NOL4: variants seen among roughly 807,000 people sequenced by gnomAD.
NOL4 encodes the protein cancer/testis antigen 125.
A neutral mutation model predicts 75.9 loss-of-function variants in NOL4; 17 were observed. The observed-to-expected ratio is 0.22, with a 90% CI of 0.15 to 0.34. NOL4 has a LOEUF of 0.34. NOL4 is among the 10% of genes least tolerant of loss of function. NOL4 has a pLI of 1.00. For synonymous variants in NOL4, 292 were observed against 289.9 expected, an observed-to-expected ratio of 1.01 and a Z score of -0.07; for missense variants, 614 against 793.5, an observed-to-expected ratio of 0.77 and a Z score of 2.72.
intron 6 of NOL4, among the ~76,000 whole-genome samples, chr18:34,005,611 G>T (rs569724769): frequency 6.6e-6 from 1 of 151,976 alleles, no homozygotes; most frequent in Non-Finnish European, 1.5e-5. Flanking sequence ...TGGCTCTTAC[G>T]CCTGTCCTCT....
In NOL4 at chr18:33,851,822, TG is replaced by T. The variant is rs2144079050; in HGVS notation, c.*1019del. On this transcript the variant is annotated 3_prime_UTR_variant, in exon 11 of 11. Coordinates refer to ENST00000261592, the MANE Select transcript of NOL4 (RefSeq NM_003787.5). ...ATACAAATCATATCAGGAGATGTAATGGTCTTTTTGGAAACTATTTCTGAAA... is the reference window on the plus strand; with the variant it reads ...ATACAAATCATATCAGGAGATGTAATGTCTTTTTGGAAACTATTTCTGAAA... 6.6e-6 allele frequency: 1 copy of T among 152,622 alleles called. No individual in the cohort carries two copies. The highest frequency in any genetic ancestry group is 1.9e-4 in the East Asian group (1 of 5,164). The allele number at this position is 152,622 out of a possible 1,614,324, so 9.5% of individuals were successfully genotyped here. A position where few individuals can be genotyped will look rare whatever the true frequency, so the allele number is the denominator to read the frequency against.
chr18:34,089,819 T>C (rs907397033), intron 5 of NOL4, among the ~76,000 whole-genome samples: 2 of 152,140 alleles, frequency 1.3e-5, no homozygotes, highest in Non-Finnish European at 2.9e-5. Context: ...GCAGAGGACA[T>C]CCCTCTCCAA....
intron 9 of NOL4, among the ~76,000 whole-genome samples, chr18:33,905,829 C>T (rs1221853316): frequency 6.6e-6 from 1 of 152,200 alleles, no homozygotes; most frequent in Non-Finnish European, 1.5e-5. Flanking sequence ...GGAATATTTC[C>T]TTAGCCAGGT....
intron 5 of NOL4, among the ~76,000 whole-genome samples, chr18:34,031,927 C>T (rs932078307): frequency 6.6e-6 from 1 of 152,150 alleles, no homozygotes; most frequent in Non-Finnish European, 1.5e-5. Context: ...AGAGGGCTCA[C>T]AGTGGGTCCC....
chr18:34,115,793 C>T (rs1244885064), intron 2 of NOL4, among the ~76,000 whole-genome samples: 1 of 152,134 alleles, frequency 6.6e-6, no homozygotes, highest in East Asian at 1.9e-4. Context: ...TCTAATCTCA[C>T]CCTTGGTGTG....
At chr18:34,027,281 A>G (rs1352411668) in intron 5 of NOL4, among the ~76,000 whole-genome samples, 2 of 152,144 alleles carry the variant, frequency 1.3e-5, no homozygotes, top group Non-Finnish European at 2.9e-5. Context: ...TGTGGGTTGG[A>G]GAATAGGTAT....
At chr18:33,862,607 A>G (rs1294988140) in intron 10 of NOL4, among the ~76,000 whole-genome samples, 3 of 152,230 alleles carry the variant, frequency 2.0e-5, no homozygotes, top group Non-Finnish European at 4.4e-5. Flanking sequence ...AAAAGTGGAC[A>G]AAGGACACGA....
chr18:33,885,366 A>G (rs1182067988), intron 9 of NOL4, among the ~76,000 whole-genome samples: 1 of 152,146 alleles, frequency 6.6e-6, no homozygotes, highest in African/African-American at 2.4e-5. Context: ...AAAGGATACA[A>G]TCAACAAAGT....
chr18:34,000,368 G>A lies in NOL4; in HGVS notation c.1056+18950C>T, dbSNP rs555148245. On this transcript the variant is annotated intron_variant, in intron 6 of 10. Coordinates refer to ENST00000261592, the MANE Select transcript of NOL4 (RefSeq NM_003787.5). ...TTCCTTGAATGTTATACTATACCAC[G>A]ATTCAACACTCTGTTGGGTATTTAG... is the stretch of plus-strand genomic sequence containing the variant. Among the ~76,000 whole-genome samples, 3 of 149,614 alleles carry A rather than the reference G, an allele frequency of 2.0e-5. No individual in the cohort carries two copies. In the South Asian group the frequency reaches 6.2e-4, roughly 31 times the overall value.
In NOL4 at chr18:33,947,851, A is replaced by G. The variant is rs188415463; in HGVS notation, c.1429-4673T>C. 2.0e-5 allele frequency among the ~76,000 whole-genome samples: 3 copies of G among 152,048 alleles called. No individual in the cohort carries two copies. The East Asian group carries it at 5.8e-4, about 29-fold the overall frequency. On this transcript the variant is annotated intron_variant, in intron 8 of 10. Transcript: ENST00000261592. ...TCATTAAACAGATGGCTAAACCATC[A>G]CATGGAGCTTTTGGAGTTTAAAAAG...
At chr18:33,854,382 T>G (rs555779798) in intron 10 of NOL4, among the ~76,000 whole-genome samples, 11 of 152,192 alleles carry the variant, frequency 7.2e-5, no homozygotes, top group Admixed American at 1.3e-4. Flanking sequence ...TCCACTTCTG[T>G]AGTGGCCTTT....
intron 1 of NOL4, among the ~76,000 whole-genome samples, chr18:34,210,371 C>A (rs1339347478): frequency 1.3e-5 from 2 of 152,090 alleles, no homozygotes; most frequent in African/African-American, 4.8e-5. Context: ...AGTAACTCAC[C>A]CTTATTTTGA....
chr18:33,890,885 G>T (rs1390951983), intron 9 of NOL4, among the ~76,000 whole-genome samples: 1 of 151,854 alleles, frequency 6.6e-6, no homozygotes, highest in East Asian at 1.9e-4. Flanking sequence ...GGTATCATTA[G>T]GGTCTGGAAC....
intron 5 of NOL4, among the ~76,000 whole-genome samples, chr18:34,060,850 C>A (rs954822598): frequency 5.9e-5 from 9 of 152,160 alleles, no homozygotes; most frequent in African/African-American, 2.4e-5. Context: ...GCAACTACTG[C>A]AGAAGGAAAA....
intron 5 of NOL4, among the ~76,000 whole-genome samples, chr18:34,060,062 C>T (rs186325276): frequency 6.6e-6 from 1 of 152,250 alleles, no homozygotes; most frequent in East Asian, 1.9e-4. Context: ...GCTGTGTCAA[C>T]TCACAGAATC....
chr18:34,039,000 C>T (rs1487341940), intron 5 of NOL4, among the ~76,000 whole-genome samples: 1 of 151,734 alleles, frequency 6.6e-6, no homozygotes, highest in Non-Finnish European at 1.5e-5. Flanking sequence ...GTAAAAAATA[C>T]AAATATCACA....
At chr18:33,878,576 G>A (rs1344446683) in intron 10 of NOL4, among the ~76,000 whole-genome samples, 3 of 151,954 alleles carry the variant, frequency 2.0e-5, no homozygotes, top group South Asian at 4.2e-4. Context: ...AGCTATATAT[G>A]AAACATACTT....
chr18:33,892,873 G>A lies in NOL4; in HGVS notation c.1543-9449C>T, dbSNP rs115591480. On this transcript the variant is annotated intron_variant, in intron 9 of 10. Transcript: ENST00000261592. ...AGAGACTGTCTCACTATGTTGCCCC[G>A]GTTGGTCTCGAACTCTTGACCTCAA... Among the ~76,000 whole-genome samples the A allele has an allele frequency of 2.1e-3, 317 of 151,768 alleles. 1 individual carries two copies. Among genetic ancestry groups the A allele is most frequent in the African/African-American group, 6.0e-3 (249 of 41,420 alleles).
At chr18:33,979,578 C>T (rs1427408709) in intron 6 of NOL4, among the ~76,000 whole-genome samples, 1 of 151,580 alleles carries the variant, frequency 6.6e-6, no homozygotes, top group Non-Finnish European at 1.5e-5. Flanking sequence ...GCTCTTGGTA[C>T]CATAAATGTT....
Sources: allele counts gnomAD v4.1 joint callset (sites outside exome capture counted in the v4.1 genomes callset), GRCh38; gene constraint gnomAD v4.1.1; transcripts MANE v1.5; gene names NCBI Gene and HGNC (gene_info 2026-07-23, HGNC 2026-07-21).